The following GALK2 variants were observed in gnomAD, a reference collection of about 807,000 sequenced individuals.
GALK2 encodes the protein galactokinase 2.
GALK2 carries 36 observed loss-of-function variants against 52.4 expected under a neutral mutation model. The ratio of observed to expected loss-of-function variants is 0.69; its 90% confidence interval spans 0.53 to 0.91. The LOEUF (loss-of-function observed/expected upper bound fraction) is 0.91. Ranked by LOEUF, GALK2 falls within the 40% of genes least tolerant of loss-of-function variation. The pLI is 0.00. For synonymous variants in GALK2, 176 were observed against 199.1 expected (o/e 0.88, Z 0.98); for missense variants, 579 against 559.1 (o/e 1.04, Z -0.36).
chr15:49,297,381 T>C lies in GALK2; in HGVS notation c.967+4844T>C, dbSNP rs1386120314. 2.6e-5 allele frequency among the ~76,000 whole-genome samples: 4 copies of C among 152,234 alleles called. No homozygotes were observed. The East Asian group carries it at 7.7e-4, about 29-fold the overall frequency. On this transcript the variant is annotated intron_variant, in intron 8 of 9. Transcript: ENST00000560031. ...AAAATTTTATCCTATCTCTGTAGGT[T>C]GTCTGTTTACTCTGTTGACAGTTTC...
intron 1 of GALK2, chr15:49,156,919 A>T: frequency 2.3e-6 from 1 of 431,382 alleles, no homozygotes; most frequent in East Asian, 6.8e-5. Context: ...ATTTTTGCAT[A>T]TTAAATTATG....
At chr15:49,201,125 T>C in intron 1 of GALK2, 37 bp from the exon 2 acceptor site, 1 of 1,123,912 alleles carries the variant, frequency 8.9e-7, no homozygotes, top group Non-Finnish European at 1.4e-6. Flanking sequence ...GATTTTCTGT[T>C]ATATGATATT....
At chr15:49,252,236 A>G (rs564773265) in intron 5 of GALK2, among the ~76,000 whole-genome samples, 1 of 152,310 alleles carries the variant, frequency 6.6e-6, no homozygotes, top group Non-Finnish European at 1.5e-5. Context: ...ATTGCACTCC[A>G]GTCTGGGTGA....
intron 3 of GALK2, among the ~76,000 whole-genome samples, chr15:49,364,396 G>A (rs1401730504): frequency 6.6e-6 from 1 of 152,074 alleles, no homozygotes; most frequent in Non-Finnish European, 1.5e-5. Flanking sequence ...TAGCTTGTGT[G>A]CATAGAGATG....
Position 49,307,370 on chromosome 15 carries a change from C to T in GALK2, c.968-12234C>T, listed in dbSNP as rs373917363. Among the ~76,000 whole-genome samples, 22 of 152,122 alleles carry T rather than the reference C, an allele frequency of 1.4e-4. 1 individual carries two copies. Among genetic ancestry groups the T allele is most frequent in the African/African-American group, 5.3e-4 (22 of 41,472 alleles). On this transcript the variant is annotated intron_variant, in intron 8 of 9. Transcript: ENST00000560031. ...GGCAATGGAAAAATACGCTAGATTT[C>T]GATGCAATGAAATATTCACAAATGC... is the stretch of plus-strand genomic sequence containing the variant.
chr15:49,240,167 G>T (rs1315800346), intron 5 of GALK2, among the ~76,000 whole-genome samples: 1 of 152,166 alleles, frequency 6.6e-6, no homozygotes, highest in East Asian at 1.9e-4. Flanking sequence ...CTTCTTTTTA[G>T]CTGTCCTGTG....
chr15:49,293,214 C>G (rs566278538), intron 8 of GALK2, among the ~76,000 whole-genome samples: 13 of 152,318 alleles, frequency 8.5e-5, no homozygotes, highest in Admixed American at 1.3e-4. Context: ...GGACCCATTT[C>G]TGTCTCATTC....
intron 3 of GALK2, among the ~76,000 whole-genome samples, chr15:49,221,604 T>G (rs891433174): frequency 2.0e-5 from 3 of 151,680 alleles, no homozygotes; most frequent in Admixed American, 2.0e-4. Context: ...GAGGTGGAGG[T>G]TGCAGTGAGC....
intron 1 of GALK2, among the ~76,000 whole-genome samples, chr15:49,178,990 C>T (rs2085746446): frequency 1.3e-5 from 2 of 152,204 alleles, no homozygotes; most frequent in African/African-American, 4.8e-5. Flanking sequence ...TCTATTCAAC[C>T]TATCTACTAT....
chr15:49,319,251 G>A (rs560223911), intron 8 of GALK2: 36 of 351,914 alleles, frequency 1.0e-4, no homozygotes, highest in South Asian at 8.0e-4. Flanking sequence ...ACCGCGCCTG[G>A]CCTACACAAA....
rs191033511 is a variant in GALK2 at position 49,342,177 on chromosome 15, T to C, written c.426+22372T>C. On this transcript the variant is annotated intron_variant, in intron 3 of 3. Coordinates refer to the GALK2 transcript ENST00000558399. ...TTGTGTGACTATTTCTTTTTGTATGTGTAAAAGTAGTTGTTTTATGAATCT... is the reference window on the plus strand; with the variant it reads ...TTGTGTGACTATTTCTTTTTGTATGCGTAAAAGTAGTTGTTTTATGAATCT... 9.8e-5 allele frequency among the ~76,000 whole-genome samples: 15 copies of C among 152,342 alleles called. 1 individual carries two copies. The East Asian group carries it at 2.9e-3, about 29-fold the overall frequency.
chr15:49,353,840 A>C (rs2151322880), intron 3 of GALK2: 1 of 152,322 alleles, frequency 6.6e-6, no homozygotes, highest in East Asian at 1.9e-4. Flanking sequence ...TGATTGCATT[A>C]CTAGGTTCTT....
At chr15:49,288,132 C>G (rs561216843) in intron 7 of GALK2, among the ~76,000 whole-genome samples, 12 of 152,270 alleles carry the variant, frequency 7.9e-5, no homozygotes, top group African/African-American at 2.2e-4. Flanking sequence ...AGCCAAGGAT[C>G]TTTAGTAGGT....
intron 3 of GALK2, among the ~76,000 whole-genome samples, chr15:49,228,662 T>TAA (rs2090282182): frequency 1.1e-4 from 1 of 9,248 alleles, no homozygotes; most frequent in African/African-American, 5.9e-4. Context: ...CTTTCACTGA[T>TAA]ATATATATAT....
chr15:49,271,020 C>A (rs757982582), intron 5 of GALK2, among the ~76,000 whole-genome samples: 1 of 152,128 alleles, frequency 6.6e-6, no homozygotes. Flanking sequence ...TTCCTCTATC[C>A]ATGGGAAGGA....
upstream of GALK2, chr15:49,170,187 A>T: frequency 6.8e-7 from 1 of 1,478,110 alleles, no homozygotes; most frequent in Non-Finnish European, 9.0e-7. Flanking sequence ...ACCTCAGCGA[A>T]GCTGCAGGAT....
At chr15:49,192,681 T>C (rs2086858641) in intron 1 of GALK2, among the ~76,000 whole-genome samples, 2 of 151,772 alleles carry the variant, frequency 1.3e-5, no homozygotes, top group African/African-American at 4.8e-5. Flanking sequence ...GAGTGCCTGT[T>C]TACCCAGAAC....
intron 1 of GALK2, among the ~76,000 whole-genome samples, chr15:49,192,156 C>G (rs762430435): frequency 6.6e-6 from 1 of 151,900 alleles, no homozygotes; most frequent in East Asian, 1.9e-4. Flanking sequence ...TTGTTTCTTT[C>G]CAGTTCTGGA....
rs113906505 is a variant in GALK2 at position 49,313,272 on chromosome 15, A to G, written c.968-6332A>G. Among the ~76,000 whole-genome samples, 83 of 152,354 alleles carry G rather than the reference A, an allele frequency of 5.4e-4. 1 individual carries two copies. The highest frequency in any genetic ancestry group is 1.9e-3 in the African/African-American group (79 of 41,584). ...ATAAAGACATTTGAGTCAAGAAGGC[A>G]TCACCGTGGCTGGCTATGGCACATG... On this transcript the variant is annotated intron_variant, in intron 8 of 9. Coordinates refer to ENST00000560031, the MANE Select transcript of GALK2 (RefSeq NM_002044.4).
Sources: gnomAD v4.1 joint callset for allele counts (sites outside exome capture counted in the v4.1 genomes callset) on GRCh38, gnomAD v4.1.1 for gene constraint, MANE v1.5 for transcripts, NCBI Gene and HGNC (gene_info 2026-07-23, HGNC 2026-07-21) for gene names.